Variants in ZBBX observed in about 807,000 individuals in gnomAD.
ZBBX encodes zinc finger B-box domain-containing protein 1.
In ZBBX, 101 loss-of-function variants were observed where a neutral mutation model predicts 108.5. The observed-to-expected ratio is 0.93, with a 90% confidence interval of 0.79 to 1.10. ZBBX has a LOEUF of 1.10. ZBBX is among the 50% of genes least tolerant of loss of function. The pLI is 0.00. For missense variants in ZBBX, 1,009 were observed against 941.4 expected (o/e 1.07, Z -0.94); for synonymous variants, 356 against 323.4 (o/e 1.10, Z -1.08).
At chr3:167,275,156 C>G (rs1024208530) in intron 20 of ZBBX, among the ~76,000 whole-genome samples, 1 of 151,960 alleles carries the variant, frequency 6.6e-6, no homozygotes, top group African/African-American at 2.4e-5. Flanking sequence ...GTGCATAAAC[C>G]TATTTTTGTA....
Position 167,242,636 on chromosome 3 carries a change from T to C in ZBBX, c.2262A>G (p.Ser754=). The part of the protein sequence containing the change: ...LQVLRSLADT[S]EKLYSLTSEE... ...CTGAGGTTAAGCTGTAAAGCTTTTC[T>C]GAAGTATCTGAAATATTTTATTTCA... Residue 754 remains serine (S), a synonymous_variant, in exon 21 of 22, where the codon TCA becomes TCG. Transcript: ENST00000675490. The C allele has an allele frequency of 6.2e-7, 1 of 1,609,982 alleles. No homozygotes were observed. Among genetic ancestry groups the C allele is most frequent in the Non-Finnish European group, 8.5e-7 (1 of 1,178,776 alleles).
downstream of ZBBX, among the ~76,000 whole-genome samples, chr3:167,238,709 A>T (rs918448346): frequency 6.6e-6 from 1 of 152,100 alleles, no homozygotes; most frequent in Admixed American, 6.6e-5. Flanking sequence ...AAACTCCATA[A>T]GGGAAAACTG....
At chr3:167,311,509 C>T (rs1037554525) in intron 16 of ZBBX, among the ~76,000 whole-genome samples, 1 of 151,958 alleles carries the variant, frequency 6.6e-6, no homozygotes, top group Non-Finnish European at 1.5e-5. Flanking sequence ...AATCCATACA[C>T]TGAAAGAAAA....
chr3:167,350,604 A>T, intron 8 of ZBBX, 89 bp from the exon 9 acceptor site: 1 of 930,546 alleles, frequency 1.1e-6, no homozygotes, highest in Non-Finnish European at 1.5e-6. Context: ...TTGTTTTTTA[A>T]TATTTATTTC....
intron 16 of ZBBX, among the ~76,000 whole-genome samples, chr3:167,312,256 T>G (rs1265154251): frequency 6.6e-6 from 1 of 152,084 alleles, no homozygotes; most frequent in Non-Finnish European, 1.5e-5. Flanking sequence ...GTAAAAAAAA[T>G]CAGTGGTTGC....
intron 18 of ZBBX, among the ~76,000 whole-genome samples, chr3:167,294,776 A>C (rs1731328939): frequency 1.3e-5 from 2 of 152,192 alleles, no homozygotes; most frequent in African/African-American, 4.8e-5. Flanking sequence ...GAATGGAAGA[A>C]AATTTTGGCA....
At chr3:167,211,969 A>T in the ZBBX span, among the ~76,000 whole-genome samples, 3 of 152,060 alleles carry the variant, frequency 2.0e-5, no homozygotes, top group African/African-American at 7.2e-5. Context: ...GCACAGCTGC[A>T]CTATAAAAAT....
intron 8 of ZBBX, among the ~76,000 whole-genome samples, chr3:167,356,539 A>T (rs1743607917): frequency 6.6e-6 from 1 of 152,132 alleles, no homozygotes; most frequent in Admixed American, 6.6e-5. Flanking sequence ...TTGAAGAGGA[A>T]ACTGCTTTTT....
chr3:167,343,834 G>T (rs1415570531), intron 9 of ZBBX, among the ~76,000 whole-genome samples: 1 of 151,836 alleles, frequency 6.6e-6, no homozygotes, highest in Non-Finnish European at 1.5e-5. Context: ...ATTAAAAATG[G>T]AGTTACCATA....
At chr3:167,304,758 G>C (rs1217391356) in intron 17 of ZBBX, among the ~76,000 whole-genome samples, 2 of 151,992 alleles carry the variant, frequency 1.3e-5, no homozygotes, top group African/African-American at 4.8e-5. Flanking sequence ...TCATCTTGTT[G>C]CACCTATGGG....
At chr3:167,390,888 G>A (rs1011170789) in intron 1 of ZBBX, among the ~76,000 whole-genome samples, 1 of 152,100 alleles carries the variant, frequency 6.6e-6, no homozygotes, top group Non-Finnish European at 1.5e-5. Context: ...TTTTGGGGCT[G>A]AGACTATGGG....
At chr3:167,328,251 A>G in intron 10 of ZBBX, 135 bp from the exon 11 acceptor site, 1 of 878,220 alleles carries the variant, frequency 1.1e-6, no homozygotes, top group Non-Finnish European at 1.7e-6. Context: ...AGACTTTTTA[A>G]ACTTAGAATA....
the ZBBX span, among the ~76,000 whole-genome samples, chr3:167,211,426 C>A: frequency 3.9e-5 from 6 of 152,258 alleles, no homozygotes; most frequent in East Asian, 1.2e-3. Flanking sequence ...GGTTACATTC[C>A]TGTACATACC....
the ZBBX span, among the ~76,000 whole-genome samples, chr3:167,205,283 A>C: frequency 6.6e-6 from 1 of 152,112 alleles, no homozygotes; most frequent in African/African-American, 2.4e-5. Flanking sequence ...CACTATGAGG[A>C]GGAAGGAGGA....
the ZBBX span, among the ~76,000 whole-genome samples, chr3:167,195,618 C>A: frequency 6.6e-6 from 1 of 152,166 alleles, no homozygotes; most frequent in South Asian, 2.1e-4. Context: ...TGCAGAGTCA[C>A]ACCATCTGCT....
At chr3:167,324,117 A>C (rs1367821040) in intron 11 of ZBBX, among the ~76,000 whole-genome samples, 1 of 152,082 alleles carries the variant, frequency 6.6e-6, no homozygotes, top group East Asian at 1.9e-4. Flanking sequence ...ACAATATTAA[A>C]TGTTAGTGAT....
rs374736828 is a variant in ZBBX at position 167,251,959 on chromosome 3, C to CACACACAT, written c.2255-9317_2255-9316insATGTGTGT. ...ACACACACACACACACACACACACA[C>CACACACAT]ATCTGTCCATGCTAGGTACTTCTAG... On this transcript the variant is annotated intron_variant, in intron 20 of 21. Transcript: ENST00000675490. Among the ~76,000 whole-genome samples the CACACACAT allele has an allele frequency of 5.3e-5, 8 of 151,320 alleles. No individual in the cohort carries two copies. In the South Asian group the frequency reaches 6.3e-4, roughly 12 times the overall value.
In ZBBX at chr3:167,321,280, G is replaced by A. The variant is rs371661025; in HGVS notation, c.983+837C>T. 1.6e-4 allele frequency among the ~76,000 whole-genome samples: 24 copies of A among 152,098 alleles called. No homozygotes were observed. The East Asian group carries it at 3.9e-3, about 24-fold the overall frequency. ...CTAGCAGAGGCTTCACGGGAAACAT[G>A]AGGGCTGATTTCAAAAATCTGAAGA... On this transcript the variant is annotated intron_variant, in intron 12 of 21. Transcript: ENST00000675490.
At chr3:167,277,635 C>T (rs1727863339) in intron 20 of ZBBX, among the ~76,000 whole-genome samples, 1 of 152,066 alleles carries the variant, frequency 6.6e-6, no homozygotes, top group Admixed American at 6.5e-5. Context: ...CTTAGACTCC[C>T]ACACATTAAT....
Sources: allele counts gnomAD v4.1 joint callset (sites outside exome capture counted in the v4.1 genomes callset), GRCh38; gene constraint gnomAD v4.1.1; transcripts MANE v1.5; gene names NCBI Gene and HGNC (gene_info 2026-07-23, HGNC 2026-07-21).